MRPL48: variants seen among roughly 807,000 people sequenced by gnomAD.
MRPL48 encodes the protein large ribosomal subunit protein mL48.
In MRPL48, 16 loss-of-function variants were observed where a neutral mutation model predicts 32.9. The ratio of observed to expected loss-of-function variants is 0.49; its 90% CI spans 0.33 to 0.74. MRPL48 has a LOEUF of 0.74. MRPL48 is among the 30% of genes least tolerant of loss of function. MRPL48 has a pLI of 0.02. For missense variants in MRPL48, 206 were observed against 245.3 expected (o/e 0.84, Z 1.07); for synonymous variants, 94 against 89.2 (o/e 1.05, Z -0.31).
chr11:73,816,529 G>A (rs544934367), intron 3 of MRPL48, among the ~76,000 whole-genome samples: 206 of 151,686 alleles, frequency 1.4e-3, no homozygotes, highest in Middle Eastern at 6.8e-3. Context: ...GCAATGGCAC[G>A]ATCTTGGCCC....
intron 4 of MRPL48, among the ~76,000 whole-genome samples, chr11:73,832,852 A>G (rs1948020759): frequency 6.6e-6 from 1 of 152,140 alleles, no homozygotes; most frequent in African/African-American, 2.4e-5. Flanking sequence ...ACCATAATTG[A>G]GCATCTACTA....
In MRPL48 at chr11:73,825,811, G is replaced by A. The variant is rs1254829369; in HGVS notation, c.201+15G>A. The A allele has an allele frequency of 1.3e-6, 2 of 1,548,442 alleles. No homozygotes were observed. Among genetic ancestry groups the A allele is most frequent in the African/African-American group, 2.7e-5 (2 of 72,916 alleles). ...AAGCAGAAGAGGTAACGGGCAGGGG[G>A]AGTCTTTTGGAAAAGGATAATGTGC... is the stretch of plus-strand genomic sequence containing the variant. On this transcript the variant is annotated intron_variant, in intron 4 of 7. Transcript: ENST00000310614.
intron 4 of MRPL48, among the ~76,000 whole-genome samples, chr11:73,837,946 G>A (rs7931143): frequency 0.14 from 21,696 of 152,096 alleles, 1,631 homozygotes; most frequent in African/African-American, 0.16. Flanking sequence ...CTGCTTCACG[G>A]GTTCAAGCGA....
chr11:73,788,039 T>TGCAGAGAGGGGAGATGGCGGACGGG (rs774825656), intron 1 of MRPL48, 47 bp downstream of exon 1: 4 of 1,461,768 alleles, frequency 2.7e-6, no homozygotes, highest in Non-Finnish European at 3.8e-6. Context: ...TGGCGGACGG[T>TGCAGAGAGGGGAGATGGCGGACGGG]GCAGAGAGGG....
chr11:73,837,322 CCTTGT>C (rs1362061885), intron 4 of MRPL48, among the ~76,000 whole-genome samples: 2 of 152,154 alleles, frequency 1.3e-5, no homozygotes, highest in African/African-American at 4.8e-5. Flanking sequence ...TTACCTTTGC[CCTTGT>C]CTTGCTGTTA....
At chr11:73,843,213 T>C (rs1948223425) in intron 4 of MRPL48, 2 of 151,288 alleles carry the variant, frequency 1.3e-5, no homozygotes, top group Non-Finnish European at 2.9e-5. Context: ...TCCCAGGCTT[T>C]GTTTTAACTT....
intron 4 of MRPL48, among the ~76,000 whole-genome samples, chr11:73,844,092 T>A (rs1458171279): frequency 2.0e-5 from 3 of 148,736 alleles, no homozygotes; most frequent in African/African-American, 7.5e-5. Context: ...AAAAAAAAAA[T>A]ATTGGGGGGC....
chr11:73,844,748 T>C, intron 4 of MRPL48, 59 bp from the exon 5 acceptor site: 1 of 1,514,736 alleles, frequency 6.6e-7, no homozygotes, highest in Non-Finnish European at 8.9e-7. Flanking sequence ...ATCAAGATAG[T>C]ATTATTAGAA....
At chr11:73,858,655 T>G (rs559134171) in intron 5 of MRPL48, among the ~76,000 whole-genome samples, 9 of 152,324 alleles carry the variant, frequency 5.9e-5, no homozygotes, top group Non-Finnish European at 7.3e-5. Context: ...TTGTGACACA[T>G]GAAAATTTAG....
At chr11:73,788,037 G>T (rs1485872099) in intron 1 of MRPL48, 45 bp downstream of exon 1, 2 of 1,461,594 alleles carry the variant, frequency 1.4e-6, no homozygotes, top group Non-Finnish European at 1.9e-6. Flanking sequence ...GATGGCGGAC[G>T]GTGCAGAGAG....
chr11:73,845,954 G>C (rs1280188703), intron 5 of MRPL48, among the ~76,000 whole-genome samples: 1 of 150,742 alleles, frequency 6.6e-6, no homozygotes, highest in African/African-American at 2.4e-5. Flanking sequence ...TGTAGTCCCA[G>C]CTACTTGCGA....
At chr11:73,823,685 A>G (rs1728155936) in intron 3 of MRPL48, among the ~76,000 whole-genome samples, 1 of 134,864 alleles carries the variant, frequency 7.4e-6, no homozygotes. Context: ...TAATTTAGAG[A>G]CAGGATCTTC....
In MRPL48 at chr11:73,804,548, G is replaced by A. The variant is rs150535362; in HGVS notation, c.22-479G>A. On this transcript the variant is annotated intron_variant, in intron 1 of 7. Coordinates refer to ENST00000310614, the MANE Select transcript of MRPL48 (RefSeq NM_016055.6). ...GCCTCCCAAAGTGCTGGGATTACAGGCATGAGCCACCGCACCTGGCCATTA... is the reference window on the plus strand; with the variant it reads ...GCCTCCCAAAGTGCTGGGATTACAGACATGAGCCACCGCACCTGGCCATTA... Among the ~76,000 whole-genome samples the A allele has an allele frequency of 9.3e-3, 1,414 of 152,238 alleles. 18 individuals are homozygous for A. Among genetic ancestry groups the A allele is most frequent in the Middle Eastern group, 0.034 (10 of 292 alleles).
At chr11:73,801,065 C>A (rs1947355688) in intron 1 of MRPL48, among the ~76,000 whole-genome samples, 1 of 152,114 alleles carries the variant, frequency 6.6e-6, no homozygotes, top group African/African-American at 2.4e-5. Flanking sequence ...CCCACCTCGG[C>A]CTCCCAAAGT....
intron 1 of MRPL48, among the ~76,000 whole-genome samples, chr11:73,796,054 A>G (rs1161362363): frequency 5.9e-5 from 9 of 152,224 alleles, no homozygotes; most frequent in Non-Finnish European, 1.3e-4. Flanking sequence ...GGCCGCTGCC[A>G]TCACTCTGGC....
At chr11:73,813,355 G>A (rs528356889) in intron 3 of MRPL48, among the ~76,000 whole-genome samples, 35 of 151,428 alleles carry the variant, frequency 2.3e-4, no homozygotes, top group Non-Finnish European at 5.0e-4. Flanking sequence ...TGTATTTTTA[G>A]TAGAGACAGG....
intron 3 of MRPL48, among the ~76,000 whole-genome samples, chr11:73,812,981 C>T (rs1337057151): frequency 4.0e-5 from 6 of 151,198 alleles, no homozygotes; most frequent in South Asian, 4.2e-4. Flanking sequence ...TAATTCCTGA[C>T]CTCAGGTGAT....
chr11:73,835,885 G>A (rs75192978), intron 4 of MRPL48, among the ~76,000 whole-genome samples: 3,976 of 152,188 alleles, frequency 0.026, 105 homozygotes, highest in South Asian at 0.12. Context: ...GTGACAGAGT[G>A]AGACTCTGTC....
intron 3 of MRPL48, among the ~76,000 whole-genome samples, chr11:73,822,822 C>A (rs1374585550): frequency 6.6e-6 from 1 of 152,132 alleles, no homozygotes; most frequent in African/African-American, 2.4e-5. Flanking sequence ...TATTTACAGC[C>A]CCTCCCAGCC....
Sources: gnomAD v4.1 joint callset for allele counts (sites outside exome capture counted in the v4.1 genomes callset) on GRCh38, gnomAD v4.1.1 for gene constraint, MANE v1.5 for transcripts, NCBI Gene and HGNC (gene_info 2026-07-23, HGNC 2026-07-21) for gene names.